HYDIN: variants seen among roughly 807,000 people sequenced by gnomAD.
The protein encoded by HYDIN is HYDIN axonemal central pair apparatus protein.
Under a neutral mutation model 403.9 loss-of-function variants are expected in HYDIN, and 132 were observed. That is an observed-to-expected ratio of 0.33 (90% CI 0.28 to 0.38). HYDIN has a LOEUF of 0.38. Ranked by LOEUF, HYDIN falls within the 10% of genes least tolerant of loss-of-function variation. The pLI, the probability that HYDIN is intolerant of heterozygous loss-of-function variation, is 1.00. For synonymous variants in HYDIN, 1,202 were observed against 1,891.7 expected (o/e 0.64, Z 9.46); for missense variants, 2,827 against 5,009.5 (o/e 0.56, Z 13.15).
At chr16:71,114,465 A>T (rs1441575131) in intron 10 of HYDIN, among the ~76,000 whole-genome samples, 1 of 151,842 alleles carries the variant, frequency 6.6e-6, no homozygotes, top group African/African-American at 2.4e-5. Context: ...GGCTCATCTT[A>T]TTCTTTCCCT....
At chr16:71,134,167 C>T (rs1034328116) in intron 8 of HYDIN, among the ~76,000 whole-genome samples, 17 of 152,190 alleles carry the variant, frequency 1.1e-4, no homozygotes, top group African/African-American at 4.1e-4. Flanking sequence ...GGACAAGAAA[C>T]CATGATGGCT....
Position 71,230,698 on chromosome 16 carries a change from A to G in HYDIN, c.-160T>C. On this transcript the variant is annotated 5_prime_UTR_variant, in exon 1 of 86. Transcript: ENST00000393567. ...GCCCGCACTCTCCATGCGCCGCCCG[A>G]GCTGTTGCCGTCCGTTGCCACGGTA... The G allele has an allele frequency of 6.5e-7, 1 of 1,535,940 alleles. No individual in the cohort carries two copies. The highest frequency in any genetic ancestry group is 8.7e-7 in the Non-Finnish European group (1 of 1,146,854).
At chr16:71,183,333 C>A (rs951948882) in intron 3 of HYDIN, among the ~76,000 whole-genome samples, 2 of 151,834 alleles carry the variant, frequency 1.3e-5, no homozygotes, top group Non-Finnish European at 2.9e-5. Context: ...AGAGGAAATG[C>A]AAGCTGTAGA....
chr16:71,122,764 A>G (rs2084309058), intron 9 of HYDIN, among the ~76,000 whole-genome samples: 1 of 152,120 alleles, frequency 6.6e-6, no homozygotes, highest in Non-Finnish European at 1.5e-5. Flanking sequence ...TATGGTAATA[A>G]AGAAATTATC....
chr16:71,094,210 T>G (rs1244840639), intron 10 of HYDIN, among the ~76,000 whole-genome samples: 4 of 151,840 alleles, frequency 2.6e-5, no homozygotes, highest in Admixed American at 2.0e-4. Context: ...TACAATATAT[T>G]TATTTACATT....
intron 41 of HYDIN, among the ~76,000 whole-genome samples, chr16:70,949,190 C>T (rs1694825100): frequency 6.6e-6 from 1 of 151,582 alleles, no homozygotes; most frequent in African/African-American, 2.4e-5. Context: ...TCATCATTCT[C>T]AGTAAACTAT....
At chr16:71,056,051 T>TC (rs2081874890) in intron 18 of HYDIN, among the ~76,000 whole-genome samples, 1 of 151,148 alleles carries the variant, frequency 6.6e-6, no homozygotes, top group South Asian at 2.1e-4. Flanking sequence ...CTGATAGAGC[T>TC]CCCTGCATAC....
chr16:71,166,159 G>C (rs1201403166), intron 5 of HYDIN, among the ~76,000 whole-genome samples: 1 of 127,292 alleles, frequency 7.9e-6, no homozygotes, highest in Non-Finnish European at 1.6e-5. Flanking sequence ...CATTTAGCAA[G>C]TAGTAAGTAC....
intron 77 of HYDIN, among the ~76,000 whole-genome samples, chr16:70,836,726 G>A (rs1353267480): frequency 1.3e-5 from 2 of 152,302 alleles, no homozygotes; most frequent in African/African-American, 4.8e-5. Flanking sequence ...CAGCCCACAT[G>A]TTTCCATTTT....
At position 70,938,644 on chromosome 16, in the gene HYDIN, A is replaced by G. The variant is rs765297116; in HGVS notation, c.6965T>C (p.Ile2322Thr). 1.1e-5 allele frequency: 18 copies of G among 1,604,830 alleles called. No homozygotes were observed. The highest frequency in any genetic ancestry group is 1.7e-4 in the Middle Eastern group (1 of 6,050). ...EEEKLTFDRG[I>T]QQALRERKKR... ...CTTCCGCTCGCGGAGCGCCTGCTGA[A>G]TCCCCCGATCGAATGTGAGTTTCTC... Residue 2322 changes from isoleucine to threonine, a missense_variant, in exon 44 of 86, where the codon ATT becomes ACT. Coordinates refer to ENST00000393567, the MANE Select transcript of HYDIN (RefSeq NM_001270974.2).
At chr16:71,215,672 C>G (rs562692268) in intron 1 of HYDIN, among the ~76,000 whole-genome samples, 1 of 151,264 alleles carries the variant, frequency 6.6e-6, no homozygotes, top group African/African-American at 2.4e-5. Context: ...GTTTGAAACA[C>G]CATATAAAAA....
At chr16:70,996,766 T>G in intron 23 of HYDIN, among the ~76,000 whole-genome samples, 3 of 143,048 alleles carry the variant, frequency 2.1e-5, no homozygotes, top group African/African-American at 2.6e-5. Context: ...GGAAGAAGAG[T>G]GGGGGAAACG....
chr16:70,902,821 ATTTTTTT>A (rs60618592), intron 52 of HYDIN, among the ~76,000 whole-genome samples: 1 of 47,316 alleles, frequency 2.1e-5, no homozygotes. Context: ...ATATATATAT[ATTTTTTT>A]TTTTTTTTTT....
chr16:70,810,865 T>C (rs890677899), intron 84 of HYDIN, among the ~76,000 whole-genome samples: 8 of 151,624 alleles, frequency 5.3e-5, no homozygotes, highest in Admixed American at 6.6e-5. Flanking sequence ...GCAATACACA[T>C]CGAAATGAAA....
intron 37 of HYDIN, among the ~76,000 whole-genome samples, chr16:70,962,572 G>A (rs1240812410): frequency 1.3e-5 from 2 of 152,054 alleles, no homozygotes; most frequent in East Asian, 1.9e-4. Context: ...ACATACTGAT[G>A]TGTAGCCTGC....
At chr16:71,175,479 C>T in intron 5 of HYDIN, 128 bp downstream of exon 5, 1 of 1,004,166 alleles carries the variant, frequency 1.0e-6, no homozygotes, top group South Asian at 1.5e-5. Flanking sequence ...AATGTCAATA[C>T]CAAGACCACC....
intron 5 of HYDIN, among the ~76,000 whole-genome samples, chr16:71,171,388 T>C (rs952928716): frequency 6.6e-6 from 1 of 152,230 alleles, no homozygotes; most frequent in African/African-American, 2.4e-5. Flanking sequence ...ATTTCTGACA[T>C]TAAATTGTAT....
At position 71,129,643 on chromosome 16, in the gene HYDIN, G is replaced by A. The variant is rs1469397408; in HGVS notation, c.1224C>T (p.Pro408=). ...LFFNNVFTVE[P]LEGDVWPNSS... ...CAGCTTTTATTTATATGCTCACCAG[G>A]GGCTCCACAGTGAAAACGTTATTGA... is the stretch of plus-strand genomic sequence containing the variant. The change falls in exon 9 of 86, where the codon CCC becomes CCT. Residue 408 remains proline, a synonymous_variant. Transcript: ENST00000393567. 2 of 1,612,838 alleles carry A rather than the reference G, an allele frequency of 1.2e-6. No individual in the cohort carries two copies. The highest frequency in any genetic ancestry group is 8.5e-7 in the Non-Finnish European group (1 of 1,179,454).
At chr16:71,085,689 C>T (rs1161995031) in intron 12 of HYDIN, among the ~76,000 whole-genome samples, 1 of 152,086 alleles carries the variant, frequency 6.6e-6, no homozygotes, top group Non-Finnish European at 1.5e-5. Flanking sequence ...AACTCACTAT[C>T]TTATCATTGT....
Sources: allele counts gnomAD v4.1 joint callset (sites outside exome capture counted in the v4.1 genomes callset), GRCh38; gene constraint gnomAD v4.1.1; transcripts MANE v1.5; gene names NCBI Gene and HGNC (gene_info 2026-07-23, HGNC 2026-07-21).